TMPRSS11F: variants seen among roughly 807,000 people sequenced by gnomAD.
TMPRSS11F encodes transmembrane serine protease 11F, also known as transmembrane protease serine 11F.
Under a neutral mutation model 60.2 loss-of-function variants are expected in TMPRSS11F, and 47 were observed. The ratio of observed to expected loss-of-function variants is 0.78; its 90% CI spans 0.62 to 1.00. The LOEUF is 1.00. Among genes scored for constraint, TMPRSS11F ranks in the 50% least tolerant of loss-of-function variants. TMPRSS11F has a pLI of 0.00. For synonymous variants in TMPRSS11F, 166 were observed against 167.3 expected (o/e 0.99, Z 0.06); for missense variants, 519 against 522.9 (o/e 0.99, Z 0.07).
At chr4:68,063,411 T>G in intron 8 of TMPRSS11F, 3 of 373,820 alleles carry the variant, frequency 8.0e-6, no homozygotes, top group South Asian at 6.4e-5. Context: ...GGAGTCTTGC[T>G]CTGTCACCAG....
Position 68,059,435 on chromosome 4 carries a change from A to C in TMPRSS11F, c.1049T>G (p.Val350Gly). 2 of 1,613,700 alleles carry C rather than the reference A, an allele frequency of 1.2e-6. No homozygotes were observed. Among genetic ancestry groups the C allele is most frequent in the South Asian group, 2.2e-5 (2 of 91,034 alleles). Residue 350 changes from valine to glycine, a missense_variant, in exon 9 of 10, where the codon GTG (valine) becomes GGG (glycine). Physicochemically the swap from Val to Gly is moderately radical, Grantham distance 109 (BLOSUM62 -3). Transcript: ENST00000356291. ...ACACACATCAGTGCTTATGGTTTCC[A>C]CTCTGGCTTGCCGAAGTGTATTTTG... ...PIQNTLRQAR[V>G]ETISTDVCNR...
chr4:68,059,233 A>AT (rs541223132), intron 9 of TMPRSS11F, 93 bp downstream of exon 9: 1,371 of 1,313,648 alleles, frequency 1.0e-3, no homozygotes, highest in South Asian at 1.2e-3. Flanking sequence ...AAGAGATGCC[A>AT]TTTTTTTTTC....
At chr4:68,124,212 C>T in intron 1 of TMPRSS11F, among the ~76,000 whole-genome samples, 1 of 119,910 alleles carries the variant, frequency 8.3e-6, no homozygotes, top group South Asian at 2.8e-4. Flanking sequence ...CAGAGTGAGA[C>T]TCTGTCTTAA....
intron 1 of TMPRSS11F, among the ~76,000 whole-genome samples, chr4:68,103,445 C>CA (rs56223617): frequency 7.1e-4 from 101 of 142,180 alleles, no homozygotes; most frequent in African/African-American, 2.5e-3. Flanking sequence ...GACCCTGTCT[C>CA]AAAAAAAAAA....
chr4:68,078,390 C>T (rs750414745), intron 3 of TMPRSS11F, among the ~76,000 whole-genome samples: 25 of 152,162 alleles, frequency 1.6e-4, no homozygotes, highest in Non-Finnish European at 2.9e-4. Context: ...GTTGAACACT[C>T]CTTTATTTGG....
rs72853400 is a variant in TMPRSS11F, at chr4:68,089,059, T to G, written c.282+1464A>C. ...AGAATTAGAAAAAAAAAAACTATTC[T>G]GAAACTTACACGGAACCAAAAAAGG... On this transcript the variant is annotated intron_variant, in intron 3 of 9. Coordinates refer to ENST00000356291, the MANE Select transcript of TMPRSS11F (RefSeq NM_207407.2). 5.2e-3 allele frequency among the ~76,000 whole-genome samples: 791 copies of G among 151,988 alleles called. 9 individuals are homozygous for G. Among genetic ancestry groups the G allele is most frequent in the African/African-American group, 0.016 (679 of 41,472 alleles).
chr4:68,112,586 T>C (rs558095495), intron 1 of TMPRSS11F, among the ~76,000 whole-genome samples: 25 of 152,186 alleles, frequency 1.6e-4, no homozygotes, highest in African/African-American at 5.5e-4. Flanking sequence ...CTCTAAAAAA[T>C]ACTACTAATA....
intron 9 of TMPRSS11F, among the ~76,000 whole-genome samples, chr4:68,056,456 A>C (rs75423044): frequency 6.6e-6 from 1 of 151,976 alleles, no homozygotes; most frequent in African/African-American, 2.4e-5. Context: ...AAAAAAAAAA[A>C]ACACTTGGGA....
In TMPRSS11F at chr4:68,054,029, G is replaced by A. The variant is rs200857761; in HGVS notation, c.1197C>T (p.Asp399=). The change falls in exon 10 of 10, where the codon GAC becomes GAT. Residue 399 remains aspartate (D), a synonymous_variant. Coordinates refer to ENST00000356291, the MANE Select transcript of TMPRSS11F (RefSeq NM_207407.2). ...TTACTATACCTACAATGTACCAGAT[G>A]TCATGATTATCATAAACCAGAGGTC... ...SGGPLVYDNH[D]IWYIVGIVSW... is the part of the protein sequence containing the mutation. 1.5e-4 allele frequency: 250 copies of A among 1,613,258 alleles called. No individual in the cohort carries two copies. Among genetic ancestry groups the A allele is most frequent in the East Asian group, 9.4e-4 (42 of 44,854 alleles).
In TMPRSS11F at chr4:68,090,556, C is replaced by G; in HGVS notation, c.249G>C (p.Glu83Asp). 6.3e-7 allele frequency: 1 copy of G among 1,598,802 alleles called. No individual in the cohort carries two copies. The highest frequency in any genetic ancestry group is 1.1e-5 in the South Asian group (1 of 89,892). ...KENYGIRSSR[E>D]FIERSHQIER... ...CAATCTGATGACTCCTTTCTATAAA[C>G]TCTCTTGAAGATCTTATGCCATAAT... Residue 83 changes from glutamate (E) to aspartate (D), a missense_variant, in exon 3 of 10, where the codon GAG (glutamate) becomes GAC (aspartate). Physicochemically the swap from Glu to Asp is conservative, Grantham distance 45 (BLOSUM62 2). Coordinates refer to ENST00000356291, the MANE Select transcript of TMPRSS11F (RefSeq NM_207407.2).
chr4:68,056,886 A>G (rs1723058786), intron 9 of TMPRSS11F, among the ~76,000 whole-genome samples: 1 of 152,228 alleles, frequency 6.6e-6, no homozygotes, highest in Admixed American at 6.5e-5. Flanking sequence ...AAACACATAT[A>G]TTTATGGTCA....
chr4:68,072,438 G>T lies in TMPRSS11F; in HGVS notation c.399C>A (p.Tyr133Ter). Residue 133 changes from tyrosine (Y) to a stop codon, truncating the protein, a stop_gained, in exon 5 of 10, where the codon TAC becomes TAA. Transcript: ENST00000356291. LOFTEE classifies it high-confidence loss of function. Reference sequence around the variant, plus strand: ...TTTGTTCAGCACTATCAGTAGATGGGTATCGAAATATGAGCACTATAAGAA... The same window carrying T: ...TTTGTTCAGCACTATCAGTAGATGGTTATCGAAATATGAGCACTATAAGAA... The part of the protein sequence containing the change: ...VDILIVLIFR[Y>*]PSTDSAEQIK... 6.3e-7 allele frequency: 1 copy of T among 1,585,524 alleles called. No individual in the cohort carries two copies. The highest frequency in any genetic ancestry group is 8.6e-7 in the Non-Finnish European group (1 of 1,163,062).
At chr4:68,056,894 T>C (rs898609324) in intron 9 of TMPRSS11F, among the ~76,000 whole-genome samples, 3 of 152,170 alleles carry the variant, frequency 2.0e-5, no homozygotes, top group African/African-American at 7.2e-5. Flanking sequence ...ATATTTATGG[T>C]CAATTGATTT....
intron 8 of TMPRSS11F, chr4:68,063,257 T>A: frequency 5.3e-6 from 3 of 569,716 alleles, no homozygotes; most frequent in Non-Finnish European, 1.0e-5. Flanking sequence ...TCTCTCCACC[T>A]TCAATCGCCA....
At chr4:68,120,901 A>C (rs1724613814) in intron 1 of TMPRSS11F, among the ~76,000 whole-genome samples, 1 of 152,226 alleles carries the variant, frequency 6.6e-6, no homozygotes, top group African/African-American at 2.4e-5. Flanking sequence ...TTTTTCATTA[A>C]GGTATGTGCC....
At chr4:68,085,767 G>A (rs1485903693) in intron 3 of TMPRSS11F, among the ~76,000 whole-genome samples, 1 of 151,904 alleles carries the variant, frequency 6.6e-6, no homozygotes, top group Non-Finnish European at 1.5e-5. Flanking sequence ...AGCAAGAACG[G>A]TAAAGAAGGA....
In TMPRSS11F at chr4:68,129,836, G is replaced by C; in HGVS notation, c.-16C>G. ...CGTACATCATGAACCCAGGACTGGG[G>C]CAGCTTCTATTCAGTCACCATCTGA... is the stretch of plus-strand genomic sequence containing the variant. On this transcript the variant is annotated 5_prime_UTR_variant, in exon 1 of 10. Transcript: ENST00000356291. 6.2e-7 allele frequency: 1 copy of C among 1,613,080 alleles called. No individual in the cohort carries two copies. Among genetic ancestry groups the C allele is most frequent in the Non-Finnish European group, 8.5e-7 (1 of 1,179,280 alleles).
chr4:68,072,519 T>G, intron 4 of TMPRSS11F, 33 bp from the exon 5 acceptor site: 1 of 1,438,464 alleles, frequency 7.0e-7, no homozygotes, highest in Non-Finnish European at 9.2e-7. Context: ...AAAATGGCAT[T>G]TATCTAATCA....
At chr4:68,114,769 T>C (rs1450971359) in intron 1 of TMPRSS11F, among the ~76,000 whole-genome samples, 1 of 151,426 alleles carries the variant, frequency 6.6e-6, no homozygotes, top group Non-Finnish European at 1.5e-5. Context: ...AGTAAAAATC[T>C]TTAAAAAATG....
Sources: allele counts gnomAD v4.1 joint callset (sites outside exome capture counted in the v4.1 genomes callset), GRCh38; gene constraint gnomAD v4.1.1; transcripts MANE v1.5; gene names NCBI Gene and HGNC (gene_info 2026-07-23, HGNC 2026-07-21).